The following POLR3B variants were observed in gnomAD, a reference collection of about 807,000 sequenced individuals.
POLR3B encodes RNA polymerase III subunit B.
In POLR3B, 96 loss-of-function variants were observed where a neutral mutation model predicts 147.4. The ratio of observed to expected loss-of-function variants is 0.65; its 90% CI spans 0.55 to 0.77. The LOEUF is 0.77. Among genes scored for constraint, POLR3B ranks in the 30% least tolerant of loss-of-function variants. The pLI, the probability that POLR3B is intolerant of heterozygous loss-of-function variation, is 0.00. For synonymous variants in POLR3B, 461 were observed against 485.9 expected (o/e 0.95, Z 0.67); for missense variants, 1,036 against 1,413.5 (o/e 0.73, Z 4.28).
At position 106,405,555 on chromosome 12, in the gene POLR3B, C is replaced by T. The variant is rs866220592; in HGVS notation, c.847-302C>T. ...CTATATGTCTACACACACACACACA[C>T]ACACACACACACACACACACACACA... On this transcript the variant is annotated intron_variant, in intron 10 of 27. Coordinates refer to ENST00000228347, the MANE Select transcript of POLR3B (RefSeq NM_018082.6). 0.035 allele frequency among the ~76,000 whole-genome samples: 5,346 copies of T among 151,486 alleles called. 295 individuals carry two copies. Among genetic ancestry groups the T allele is most frequent in the African/African-American group, 0.12 (5,037 of 41,222 alleles).
At chr12:106,411,025 C>A in intron 12 of POLR3B, 65 bp downstream of exon 12, 3 of 1,468,020 alleles carry the variant, frequency 2.0e-6, no homozygotes, top group Non-Finnish European at 2.9e-6. Context: ...GTTTTCATTT[C>A]ACATAAGAAG....
chr12:106,387,334 T>C (rs1230286136), intron 9 of POLR3B, among the ~76,000 whole-genome samples: 1 of 152,198 alleles, frequency 6.6e-6, no homozygotes, highest in East Asian at 1.9e-4. Context: ...TTTCCTCTAG[T>C]GGGGCATTTA....
chr12:106,442,530 G>A (rs545631793), intron 18 of POLR3B, among the ~76,000 whole-genome samples: 71 of 152,224 alleles, frequency 4.7e-4, no homozygotes, highest in Admixed American at 6.5e-4. Context: ...TTGGGGTTCT[G>A]CTAGGTCATA....
chr12:106,484,637 A>T (rs2038312696), intron 23 of POLR3B, among the ~76,000 whole-genome samples: 1 of 152,130 alleles, frequency 6.6e-6, no homozygotes, highest in East Asian at 1.9e-4. Flanking sequence ...AATTGAAGGT[A>T]ATGATAAGTG....
Position 106,378,980 on chromosome 12 carries a change from G to C in POLR3B, c.614+596G>C, listed in dbSNP as rs146418188. Reference sequence around the variant, plus strand: ...TTTGTGGCATAGATAAGATGTGAGAGTGCGGTAGTTTCCTGTTTGATAACC... The same window carrying C: ...TTTGTGGCATAGATAAGATGTGAGACTGCGGTAGTTTCCTGTTTGATAACC... On this transcript the variant is annotated intron_variant, in intron 8 of 27. Coordinates refer to ENST00000228347, the MANE Select transcript of POLR3B (RefSeq NM_018082.6). Among the ~76,000 whole-genome samples, 804 of 152,320 alleles carry C rather than the reference G, an allele frequency of 5.3e-3. 6 individuals are homozygous for C. The highest frequency in any genetic ancestry group is 0.019 in the African/African-American group (773 of 41,576).
intron 9 of POLR3B, among the ~76,000 whole-genome samples, chr12:106,384,776 G>A (rs559051724): frequency 6.6e-6 from 1 of 151,920 alleles, no homozygotes; most frequent in South Asian, 2.1e-4. Flanking sequence ...TCAGGCATGA[G>A]TTATAGTGCT....
At chr12:106,428,761 A>G (rs931697563) in intron 13 of POLR3B, among the ~76,000 whole-genome samples, 2 of 152,198 alleles carry the variant, frequency 1.3e-5, no homozygotes, top group African/African-American at 4.8e-5. Context: ...TTTGTGGGAT[A>G]TATATGGTCG....
chr12:106,376,457 G>C lies in POLR3B; in HGVS notation c.496+7G>C, dbSNP rs1325601926. ...GAATGTCCCTTAGATCCAGGTATGT[G>C]TGAAGTCTTGGATTTGTCCCACTTT... On this transcript the variant is annotated splice_region_variant and intron_variant, in intron 7 of 27. Coordinates refer to ENST00000228347, the MANE Select transcript of POLR3B (RefSeq NM_018082.6). The C allele has an allele frequency of 6.3e-7, 1 of 1,588,196 alleles. No individual in the cohort carries two copies.
In POLR3B at chr12:106,393,136, A is replaced by T. The variant is rs773404949; in HGVS notation, c.829A>T (p.Ile277Phe). ...TCTGGAAGAGTGCCAGAAAGCTCAG[A>T]TTTTCACACAGATGCAGGTGTGTCT... ...PSLEECQKAQ[I>F]FTQMQALKYI... Residue 277 changes from isoleucine (I) to phenylalanine (F), a missense_variant, in exon 10 of 28, where the codon ATT (isoleucine) becomes TTT (phenylalanine). Ile to Phe is a conservative substitution (Grantham distance 21). Coordinates refer to ENST00000228347, the MANE Select transcript of POLR3B (RefSeq NM_018082.6). 1.9e-6 allele frequency: 3 copies of T among 1,614,150 alleles called. No individual in the cohort carries two copies. Among genetic ancestry groups the T allele is most frequent in the Non-Finnish European group, 1.7e-6 (2 of 1,180,022 alleles).
At chr12:106,439,338 C>T (rs999947197) in intron 18 of POLR3B, among the ~76,000 whole-genome samples, 1 of 152,248 alleles carries the variant, frequency 6.6e-6, no homozygotes, top group Non-Finnish European at 1.5e-5. Flanking sequence ...GATTGTGCCA[C>T]TGCACTCCAG....
chr12:106,420,891 C>G (rs2037365386), intron 12 of POLR3B, among the ~76,000 whole-genome samples: 1 of 152,124 alleles, frequency 6.6e-6, no homozygotes, highest in South Asian at 2.1e-4. Flanking sequence ...ACCCCCTACT[C>G]CATTCTTCAT....
chr12:106,466,579 T>A (rs2038008843), intron 23 of POLR3B, among the ~76,000 whole-genome samples: 1 of 152,360 alleles, frequency 6.6e-6, no homozygotes, highest in African/African-American at 2.4e-5. Context: ...ATTTTTATGA[T>A]CCTAGGTCTT....
intron 11 of POLR3B, 130 bp downstream of exon 11, chr12:106,406,106 C>A: frequency 2.2e-6 from 2 of 903,070 alleles, no homozygotes; most frequent in Non-Finnish European, 3.5e-6. Flanking sequence ...GACTGTACTG[C>A]CCCATCAGAA....
At position 106,426,222 on chromosome 12, in the gene POLR3B, T is replaced by G. The variant is rs73186461; in HGVS notation, c.1102-975T>G. On this transcript the variant is annotated intron_variant, in intron 12 of 27. Transcript: ENST00000228347. ...AAATTGTAAGGGCAGGGCCTGCAAT[T>G]TGTGTGTGTGTGTGTGTGTGTGTGT... 2.6e-3 allele frequency among the ~76,000 whole-genome samples: 346 copies of G among 131,208 alleles called. 1 individual carries two copies. The highest frequency in any genetic ancestry group is 0.015 in the East Asian group (65 of 4,372). 86.1% of individuals were successfully genotyped at this position (131,208 alleles called of 152,430 possible).
intron 19 of POLR3B, 23 bp from the exon 20 acceptor site, chr12:106,454,479 T>C: frequency 2.7e-6 from 3 of 1,122,290 alleles, no homozygotes; most frequent in Non-Finnish European, 4.1e-6. Context: ...TGTTGTATTT[T>C]GTTTTCTCCC....
At chr12:106,451,998 T>A (rs989183300) in intron 19 of POLR3B, among the ~76,000 whole-genome samples, 12 of 152,192 alleles carry the variant, frequency 7.9e-5, no homozygotes, top group African/African-American at 2.9e-4. Flanking sequence ...TGTGTTATTT[T>A]ATATGTGTGT....
Position 106,496,833 on chromosome 12 carries a change from A to AG in POLR3B, c.2900dup (p.Ser967ArgfsTer2). 2.5e-6 allele frequency: 4 copies of AG among 1,614,140 alleles called. No homozygotes were observed. Among genetic ancestry groups the AG allele is most frequent in the Non-Finnish European group, 3.4e-6 (4 of 1,179,996 alleles). ...CCACTACGGCACTGCGTTTGGAGGC[A>AG]GTAAAGTGAAGGATGTGTGTGAGGA... On this transcript the variant is annotated frameshift_variant, in exon 25 of 28. Transcript: ENST00000228347. LOFTEE classifies it high-confidence loss of function.
intron 9 of POLR3B, among the ~76,000 whole-genome samples, chr12:106,392,602 G>A (rs2136916628): frequency 6.6e-6 from 1 of 152,172 alleles, no homozygotes; most frequent in East Asian, 1.9e-4. Context: ...ACAGTTCTCA[G>A]AAAAATTAAT....
rs138694908 is a variant in POLR3B, at chr12:106,456,907, G to A, written c.2294-231G>A. Among the ~76,000 whole-genome samples, 71 of 152,286 alleles carry A rather than the reference G, an allele frequency of 4.7e-4. 1 individual carries two copies. Among genetic ancestry groups the A allele is most frequent in the Non-Finnish European group, 9.3e-4 (63 of 68,020 alleles). On this transcript the variant is annotated intron_variant, in intron 20 of 27. Transcript: ENST00000228347. ...GTATTCCATGCAGAAAATGGTTGTA[G>A]AGATTCCAGTGTTTACACAGACAGT...
Sources: gnomAD v4.1 joint callset for allele counts (sites outside exome capture counted in the v4.1 genomes callset) on GRCh38, gnomAD v4.1.1 for gene constraint, MANE v1.5 for transcripts, NCBI Gene and HGNC (gene_info 2026-07-23, HGNC 2026-07-21) for gene names.